Variants in HOPX observed in about 807,000 individuals in gnomAD.
HOPX encodes the protein homeodomain-only protein.
In HOPX, 5 loss-of-function variants were observed where a neutral mutation model predicts 11.8. That is an observed-to-expected ratio of 0.43 (90% CI 0.22 to 0.89). The LOEUF (loss-of-function observed/expected upper bound fraction) is 0.89. HOPX is among the 40% of genes least tolerant of loss of function. The pLI, the probability that HOPX is intolerant of heterozygous loss-of-function variation, is 0.28. For missense variants in HOPX, 119 were observed against 120.0 expected, an observed-to-expected ratio of 0.99 and a Z score of 0.04; for synonymous variants, 49 against 49.7, an observed-to-expected ratio of 0.99 and a Z score of 0.06.
At chr4:56,659,567 A>C (rs2109497927) in intron 1 of HOPX, 1 of 152,244 alleles carries the variant, frequency 6.6e-6, no homozygotes, top group Middle Eastern at 3.4e-3. Context: ...AGAGAGAGAG[A>C]ATTGTTCTTT....
intron 1 of HOPX, chr4:56,672,872 T>G (rs1275425366): frequency 6.6e-6 from 1 of 152,222 alleles, no homozygotes; most frequent in East Asian, 1.9e-4. Context: ...CTGAAGATTG[T>G]GCTCTTTTAG....
At chr4:56,651,868 GA>G (rs1717207873) in intron 3 of HOPX, among the ~76,000 whole-genome samples, 1 of 120,262 alleles carries the variant, frequency 8.3e-6, no homozygotes, top group Non-Finnish European at 1.8e-5. Context: ...AAGAGAGAGA[GA>G]GAGAGTGTGT....
chr4:56,669,345 T>G (rs183966712), intron 1 of HOPX, among the ~76,000 whole-genome samples: 2 of 152,154 alleles, frequency 1.3e-5, no homozygotes. Context: ...GTTGAGTTAA[T>G]GTGATCATAT....
In HOPX at chr4:56,655,912, G is replaced by A. The variant is rs377535171; in HGVS notation, c.143C>T (p.Ser48Phe). 72 of 1,612,016 alleles carry A rather than the reference G, an allele frequency of 4.5e-5. No individual in the cohort carries two copies. Among genetic ancestry groups the A allele is most frequent in the Middle Eastern group, 1.6e-4 (1 of 6,074 alleles). ...NFNKVDKHPD[S>F]TTLCLIAAEA... Reference sequence around the variant, plus strand: ...GGCCGCGATGAGGCACAGCGTGGTGGAATCCGGGTGCTTGTCGACCTTGTT... The same window carrying A: ...GGCCGCGATGAGGCACAGCGTGGTGAAATCCGGGTGCTTGTCGACCTTGTT... The change falls in exon 3 of 4, where the codon TCC (serine) becomes TTC (phenylalanine). Residue 48 changes from serine to phenylalanine, a missense_variant. Coordinates refer to ENST00000420433, the MANE Select transcript of HOPX (RefSeq NM_032495.6).
intron 2 of HOPX, chr4:56,656,585 A>G: frequency 3.7e-6 from 2 of 545,680 alleles, no homozygotes; most frequent in Non-Finnish European, 4.7e-6. Context: ...CCTTCCTCCA[A>G]AAAAGTTCCC....
At chr4:56,681,088 C>T (rs2109567384) in intron 1 of HOPX, 167 bp downstream of exon 1, 1 of 984,776 alleles carries the variant, frequency 1.0e-6, no homozygotes, top group Non-Finnish European at 1.2e-6. Flanking sequence ...TTACACCCAG[C>T]AGCATTTCCT....
chr4:56,656,242 C>G, intron 2 of HOPX: 1 of 1,162,720 alleles, frequency 8.6e-7, no homozygotes, highest in Non-Finnish European at 1.1e-6. Context: ...GACGGCAGAG[C>G]CTAGCGTCCT....
At chr4:56,657,686 C>T (rs987502274) in intron 2 of HOPX, 89 bp downstream of exon 2, 2 of 723,742 alleles carry the variant, frequency 2.8e-6, no homozygotes, top group Non-Finnish European at 5.1e-6. Flanking sequence ...AGGGTCATAC[C>T]AGGTCAGAAA....
intron 1 of HOPX, among the ~76,000 whole-genome samples, chr4:56,669,359 T>G (rs1368853532): frequency 6.6e-6 from 1 of 152,120 alleles, no homozygotes; most frequent in Admixed American, 6.5e-5. Flanking sequence ...ATCATATAAT[T>G]TGTCACCTAA....
intron 1 of HOPX, among the ~76,000 whole-genome samples, chr4:56,658,520 T>C (rs957257241): frequency 1.3e-5 from 2 of 152,240 alleles, no homozygotes; most frequent in African/African-American, 4.8e-5. Flanking sequence ...GGAAGATCTC[T>C]ATAGTCAAAT....
intron 1 of HOPX, among the ~76,000 whole-genome samples, chr4:56,671,540 C>A (rs1459795308): frequency 1.3e-5 from 2 of 151,994 alleles, no homozygotes; most frequent in Non-Finnish European, 2.9e-5. Context: ...CCAAATTATG[C>A]CAAAGTCCAA....
intron 1 of HOPX, among the ~76,000 whole-genome samples, chr4:56,669,554 G>A (rs1718619527): frequency 6.6e-6 from 1 of 152,020 alleles, no homozygotes; most frequent in Non-Finnish European, 1.5e-5. Flanking sequence ...AGCTACTCAG[G>A]AGGCTGAGGC....
In HOPX at chr4:56,655,890, C is replaced by T; in HGVS notation, c.165G>A (p.Ala55=). Residue 55 remains alanine, a synonymous_variant, in exon 3 of 4, where the codon GCG becomes GCA. Coordinates refer to ENST00000420433, the MANE Select transcript of HOPX (RefSeq NM_032495.6). ...HPDSTTLCLI[A]AEAGLSEEET... Reference sequence around the variant, plus strand: ...CCTCCTCGGAAAGGCCTGCCTCGGCCGCGATGAGGCACAGCGTGGTGGAAT... The same window carrying T: ...CCTCCTCGGAAAGGCCTGCCTCGGCTGCGATGAGGCACAGCGTGGTGGAAT... 2 of 1,611,844 alleles carry T rather than the reference C, an allele frequency of 1.2e-6. No homozygotes were observed.
At chr4:56,681,677 T>C (rs1719329781), upstream of HOPX, 5 of 999,860 alleles carry the variant, frequency 5.0e-6, no homozygotes, top group Non-Finnish European at 4.8e-6. Flanking sequence ...CAGTTAGATG[T>C]TGCCTCATTT....
intron 1 of HOPX, chr4:56,680,711 T>C (rs10004220): frequency 2.5e-5 from 2 of 79,902 alleles, no homozygotes; most frequent in East Asian, 7.9e-4. Flanking sequence ...AAAAAAAAAA[T>C]CACTGTTTTT....
At chr4:56,666,010 G>A (rs1344654640) in intron 1 of HOPX, among the ~76,000 whole-genome samples, 1 of 152,176 alleles carries the variant, frequency 6.6e-6, no homozygotes, top group Non-Finnish European at 1.5e-5. Context: ...GAAAGGCAGT[G>A]CCCGGTGTCT....
intron 2 of HOPX, chr4:56,656,331 G>T: frequency 9.4e-7 from 1 of 1,066,614 alleles, no homozygotes; most frequent in Non-Finnish European, 1.1e-6. Context: ...TGATTCCGCG[G>T]GCCCTCACCG....
intron 1 of HOPX, among the ~76,000 whole-genome samples, chr4:56,660,872 C>T (rs562481049): frequency 9.9e-5 from 15 of 152,112 alleles, no homozygotes; most frequent in South Asian, 2.1e-4. Context: ...GTTTTTTTCC[C>T]GGAGTCCCAT....
intron 1 of HOPX, among the ~76,000 whole-genome samples, chr4:56,678,080 C>A (rs1578367046): frequency 6.6e-6 from 1 of 151,690 alleles, no homozygotes; most frequent in African/African-American, 2.4e-5. Flanking sequence ...TAGTTTGCTG[C>A]CCCGCAGCAT....
Sources: gnomAD v4.1 joint callset for allele counts (sites outside exome capture counted in the v4.1 genomes callset) on GRCh38, gnomAD v4.1.1 for gene constraint, MANE v1.5 for transcripts, NCBI Gene and HGNC (gene_info 2026-07-23, HGNC 2026-07-21) for gene names.